The following ENOX1 variants were observed in gnomAD, a reference collection of about 807,000 sequenced individuals.
The protein encoded by ENOX1 is ecto-NOX disulfide-thiol exchanger 1, also known as candidate growth-related and time keeping constitutive hydroquinone (NADH) oxidase.
Under a neutral mutation model 82.5 loss-of-function variants are expected in ENOX1, and 42 were observed. The observed-to-expected ratio is 0.51, with a 90% CI of 0.40 to 0.66. The LOEUF (loss-of-function observed/expected upper bound fraction) is 0.66. Among genes scored for constraint, ENOX1 ranks in the 30% least tolerant of loss-of-function variants. The pLI, the probability that ENOX1 is intolerant of heterozygous loss-of-function variation, is 0.00. For missense variants in ENOX1, 608 were observed against 811.6 expected, an observed-to-expected ratio of 0.75 and a Z score of 3.05; for synonymous variants, 271 against 282.2, an observed-to-expected ratio of 0.96 and a Z score of 0.40.
chr13:43,443,625 T>A (rs1484091890), intron 3 of ENOX1, among the ~76,000 whole-genome samples: 1 of 152,096 alleles, frequency 6.6e-6, no homozygotes, highest in Non-Finnish European at 1.5e-5. Context: ...TATAACTGAT[T>A]ATAATGTACT....
chr13:43,382,167 T>C (rs1392830980), intron 5 of ENOX1, among the ~76,000 whole-genome samples: 2 of 152,024 alleles, frequency 1.3e-5, no homozygotes, highest in Middle Eastern at 6.3e-3. Context: ...CATGACTGAG[T>C]AGTTTATCCC....
At chr13:43,278,087 A>G (rs1331423828) in intron 12 of ENOX1, among the ~76,000 whole-genome samples, 5 of 152,252 alleles carry the variant, frequency 3.3e-5, no homozygotes, top group African/African-American at 1.2e-4. Context: ...AGCAATTCTA[A>G]GCAAAATCAT....
chr13:43,604,278 A>T (rs2081880105), intron 2 of ENOX1, among the ~76,000 whole-genome samples: 1 of 151,530 alleles, frequency 6.6e-6, no homozygotes, highest in African/African-American at 2.4e-5. Flanking sequence ...TAGATTCTGG[A>T]TATTAGCCCT....
At chr13:43,650,834 G>A (rs532533035) in intron 2 of ENOX1, among the ~76,000 whole-genome samples, 4 of 152,242 alleles carry the variant, frequency 2.6e-5, no homozygotes, top group Non-Finnish European at 4.4e-5. Flanking sequence ...GCAAGACTCC[G>A]TCTCAAAAGC....
At chr13:43,604,145 C>T (rs7997092) in intron 2 of ENOX1, among the ~76,000 whole-genome samples, 147,059 of 150,410 alleles carry the variant, frequency 0.98, 72,001 homozygotes, top group Middle Eastern at 1. Context: ...CCAGTGATGG[C>T]GAGCATTTTT....
At chr13:43,227,297 TG>T (rs1224382385) in intron 15 of ENOX1, among the ~76,000 whole-genome samples, 3 of 152,176 alleles carry the variant, frequency 2.0e-5, no homozygotes, top group Non-Finnish European at 4.4e-5. Flanking sequence ...ACCCTAATCC[TG>T]GGTCTGCACC....
intron 2 of ENOX1, among the ~76,000 whole-genome samples, chr13:43,664,805 C>A (rs2084901100): frequency 6.6e-6 from 1 of 152,142 alleles, no homozygotes; most frequent in African/African-American, 2.4e-5. Flanking sequence ...ATCACACATG[C>A]CATAAATATT....
chr13:43,528,228 A>T (rs2078062053), intron 2 of ENOX1, among the ~76,000 whole-genome samples: 1 of 152,086 alleles, frequency 6.6e-6, no homozygotes, highest in East Asian at 1.9e-4. Context: ...TACTTAAGTA[A>T]TATAAAGGGT....
At chr13:43,361,584 ATATTATAGAAAGC>A (rs2050512774) in intron 5 of ENOX1, 132 bp from the exon 6 acceptor site, 3 of 791,600 alleles carry the variant, frequency 3.8e-6, no homozygotes, top group Non-Finnish European at 5.8e-6. Context: ...ATAAGATATA[ATATTATAGAAAGC>A]TATGCCAGAA....
intron 2 of ENOX1, among the ~76,000 whole-genome samples, chr13:43,587,406 G>A (rs1182146044): frequency 6.6e-6 from 1 of 152,128 alleles, no homozygotes; most frequent in African/African-American, 2.4e-5. Flanking sequence ...TATCAATGGT[G>A]AACACAGTGA....
At chr13:43,697,448 G>A (rs1566788039) in intron 1 of ENOX1, among the ~76,000 whole-genome samples, 2 of 152,166 alleles carry the variant, frequency 1.3e-5, no homozygotes, top group Non-Finnish European at 2.9e-5. Context: ...TTGAGGAAGG[G>A]AGCTGGCTGT....
intron 2 of ENOX1, among the ~76,000 whole-genome samples, chr13:43,592,243 T>A (rs1270238173): frequency 1.3e-5 from 2 of 152,234 alleles, no homozygotes; most frequent in African/African-American, 4.8e-5. Flanking sequence ...TAGTGACTTC[T>A]GAATTTAAGA....
rs2047395611 is a variant in ENOX1 at position 43,314,933 on chromosome 13, T to C, written c.1261+7451A>G. Among the ~76,000 whole-genome samples the C allele has an allele frequency of 2.0e-5, 3 of 152,220 alleles. No individual in the cohort carries two copies. The South Asian group carries it at 6.2e-4, about 32-fold the overall frequency. On this transcript the variant is annotated intron_variant, in intron 11 of 16. Coordinates refer to ENST00000690772, the MANE Select transcript of ENOX1 (RefSeq NM_001347969.2). ...AAGGTCCACAGGAAAGAGCCTATGA[T>C]CCAGGAAGAATACAAACTTATTTGT...
intron 11 of ENOX1, among the ~76,000 whole-genome samples, chr13:43,311,363 GTT>G (rs35451999): frequency 0.93 from 140,145 of 150,892 alleles, 65,921 homozygotes; most frequent in East Asian, 1. Flanking sequence ...AGGTAATAGG[GTT>G]TTTTTTTTTT....
intron 2 of ENOX1, among the ~76,000 whole-genome samples, chr13:43,623,249 G>A (rs961819340): frequency 2.8e-4 from 43 of 152,180 alleles, no homozygotes; most frequent in Middle Eastern, 3.4e-3. Flanking sequence ...CCGGATTTGC[G>A]CCCTCCTTTG....
chr13:43,361,562 A>T, intron 5 of ENOX1, 110 bp from the exon 6 acceptor site: 1 of 1,001,072 alleles, frequency 1.0e-6, no homozygotes, highest in East Asian at 2.9e-5. Context: ...TTTTTCAGGA[A>T]TTTCTCCTGG....
chr13:43,541,556 A>G (rs1474610820), intron 2 of ENOX1, among the ~76,000 whole-genome samples: 1 of 152,156 alleles, frequency 6.6e-6, no homozygotes, highest in Non-Finnish European at 1.5e-5. Context: ...ACCACATACT[A>G]TATTATTCTT....
At chr13:43,269,416 A>C in intron 13 of ENOX1, 54 bp downstream of exon 13, 2 of 1,309,398 alleles carry the variant, frequency 1.5e-6, no homozygotes, top group Non-Finnish European at 2.2e-6. Flanking sequence ...CAAGGGAGGT[A>C]TGCAATGGGG....
At chr13:43,391,354 C>T (rs2052762096) in intron 5 of ENOX1, among the ~76,000 whole-genome samples, 1 of 152,118 alleles carries the variant, frequency 6.6e-6, no homozygotes, top group African/African-American at 2.4e-5. Context: ...TGCCATTTCC[C>T]TCATGCCCAT....
Sources: gnomAD v4.1 joint callset for allele counts (sites outside exome capture counted in the v4.1 genomes callset) on GRCh38, gnomAD v4.1.1 for gene constraint, MANE v1.5 for transcripts, NCBI Gene and HGNC (gene_info 2026-07-23, HGNC 2026-07-21) for gene names.